The following CPNE8 variants were observed in gnomAD, a reference collection of about 807,000 sequenced individuals.
CPNE8 encodes copine-8.
Under a neutral mutation model 81.5 loss-of-function variants are expected in CPNE8, and 45 were observed. That is an observed-to-expected ratio of 0.55 (90% confidence interval 0.44 to 0.71). CPNE8 has a LOEUF of 0.71. Among genes scored for constraint, CPNE8 ranks in the 30% least tolerant of loss-of-function variants. CPNE8 has a pLI of 0.00. For synonymous variants in CPNE8, 252 were observed against 226.3 expected (o/e 1.11, Z -1.02); for missense variants, 594 against 672.1 (o/e 0.88, Z 1.28).
chr12:38,799,329 A>T (rs1431568750), intron 6 of CPNE8, among the ~76,000 whole-genome samples: 1 of 152,200 alleles, frequency 6.6e-6, no homozygotes, highest in African/African-American at 2.4e-5. Context: ...AACACAACAG[A>T]AATTACAACA....
chr12:38,837,876 T>C (rs1345625523), intron 5 of CPNE8, among the ~76,000 whole-genome samples: 1 of 152,126 alleles, frequency 6.6e-6, no homozygotes, highest in Non-Finnish European at 1.5e-5. Context: ...GATGAGAAGA[T>C]AAAATTTTCT....
intron 6 of CPNE8, among the ~76,000 whole-genome samples, chr12:38,823,844 T>C (rs979516103): frequency 6.6e-6 from 1 of 152,194 alleles, no homozygotes; most frequent in Non-Finnish European, 1.5e-5. Context: ...TACGACTCTT[T>C]GACAGCATCA....
At chr12:38,721,624 C>G (rs1940566700) in intron 13 of CPNE8, among the ~76,000 whole-genome samples, 1 of 152,224 alleles carries the variant, frequency 6.6e-6, no homozygotes, top group Non-Finnish European at 1.5e-5. Context: ...AAACAAACTA[C>G]AACACAAGCA....
At chr12:38,839,261 C>CT (rs1943430875) in intron 5 of CPNE8, among the ~76,000 whole-genome samples, 4 of 151,820 alleles carry the variant, frequency 2.6e-5, no homozygotes, top group African/African-American at 9.7e-5. Context: ...TTCCTCCCTT[C>CT]CCATCTACAC....
chr12:38,774,514 T>C (rs1256313399), intron 7 of CPNE8, among the ~76,000 whole-genome samples: 4 of 152,180 alleles, frequency 2.6e-5, no homozygotes, highest in Non-Finnish European at 5.9e-5. Context: ...ATAATTATGC[T>C]ATATTTTCTA....
chr12:38,841,457 G>C (rs1943466763), intron 4 of CPNE8, among the ~76,000 whole-genome samples: 1 of 152,166 alleles, frequency 6.6e-6, no homozygotes, highest in Admixed American at 6.5e-5. Flanking sequence ...TTTGGAGCCT[G>C]ACTTAAACTA....
At chr12:38,837,319 C>A (rs904093991) in intron 5 of CPNE8, among the ~76,000 whole-genome samples, 2 of 152,012 alleles carry the variant, frequency 1.3e-5, no homozygotes, top group Admixed American at 6.6e-5. Flanking sequence ...AGATAAATCA[C>A]AGAAGCAGAA....
At chr12:38,904,394 G>A (rs1456190190) in intron 1 of CPNE8, among the ~76,000 whole-genome samples, 1 of 151,844 alleles carries the variant, frequency 6.6e-6, no homozygotes, top group Admixed American at 6.6e-5. Flanking sequence ...TATTTACAGG[G>A]CAACTAACCG....
chr12:38,733,211 T>C (rs1437145105), intron 10 of CPNE8, among the ~76,000 whole-genome samples: 2 of 151,982 alleles, frequency 1.3e-5, no homozygotes, highest in African/African-American at 2.4e-5. Context: ...TAGATCTCTT[T>C]TAATACATGG....
At chr12:38,828,617 T>C (rs1279912885) in intron 6 of CPNE8, among the ~76,000 whole-genome samples, 1 of 152,192 alleles carries the variant, frequency 6.6e-6, no homozygotes, top group East Asian at 1.9e-4. Context: ...AGTTTGAGAT[T>C]CTTAAAAGGT....
chr12:38,864,471 A>G (rs1463818905), intron 3 of CPNE8, among the ~76,000 whole-genome samples: 2 of 152,162 alleles, frequency 1.3e-5, no homozygotes, highest in African/African-American at 2.4e-5. Flanking sequence ...AGAAGAAGAA[A>G]AAAAAAACTA....
chr12:38,664,904 ACT>A (rs1939032979), intron 19 of CPNE8, among the ~76,000 whole-genome samples: 1 of 152,160 alleles, frequency 6.6e-6, no homozygotes, highest in South Asian at 2.1e-4. Flanking sequence ...ATAGGAAGTC[ACT>A]GTTATCAAAC....
At chr12:38,791,151 C>T (rs1358327616) in intron 6 of CPNE8, among the ~76,000 whole-genome samples, 1 of 151,668 alleles carries the variant, frequency 6.6e-6, no homozygotes, top group Non-Finnish European at 1.5e-5. Context: ...TAACTGCCTT[C>T]ATATGATACA....
rs35455026 is a variant in CPNE8 at position 38,787,972 on chromosome 12, GAA to G, written c.408-11673_408-11672del. Among the ~76,000 whole-genome samples the G allele has an allele frequency of 1.0e-3, 95 of 93,796 alleles. No homozygotes were observed. The East Asian group carries it at 0.014, about 14-fold the overall frequency. The allele number at this position is 93,796 out of a possible 152,430, so 61.5% of individuals were successfully genotyped here. On this transcript the variant is annotated intron_variant, in intron 6 of 19. Coordinates refer to ENST00000331366, the MANE Select transcript of CPNE8 (RefSeq NM_153634.3). ...TGAAGTCATAATAAAAAGTCTCCCA[GAA>G]AAAAAAAAAAAAAAAAAGCCCAGGA...
At chr12:38,795,881 A>ATAGATAGATAGAT (rs1283122735) in intron 6 of CPNE8, among the ~76,000 whole-genome samples, 1 of 151,976 alleles carries the variant, frequency 6.6e-6, no homozygotes, top group Non-Finnish European at 1.5e-5. Context: ...AGATAGATAG[A>ATAGATAGATAGAT]TAGATAGATA....
At chr12:38,797,244 C>G (rs1565621526) in intron 6 of CPNE8, among the ~76,000 whole-genome samples, 2 of 152,180 alleles carry the variant, frequency 1.3e-5, no homozygotes, top group Non-Finnish European at 2.9e-5. Context: ...AGACTGCCTC[C>G]TCAACTGCGT....
Position 38,669,218 on chromosome 12 carries a change from T to C in CPNE8, c.1506+1511A>G, listed in dbSNP as rs186065943. Among the ~76,000 whole-genome samples the C allele has an allele frequency of 3.0e-4, 46 of 152,306 alleles. No individual in the cohort carries two copies. The East Asian group carries it at 7.9e-3, about 26-fold the overall frequency. ...GTTGAAAAGCTTACATCATATTCAA[T>C]TATCTTTTTAAAAAAACTATTTTAC... On this transcript the variant is annotated intron_variant, in intron 19 of 19. Coordinates refer to ENST00000331366, the MANE Select transcript of CPNE8 (RefSeq NM_153634.3).
chr12:38,777,430 T>C (rs1438256385), intron 6 of CPNE8, among the ~76,000 whole-genome samples: 3 of 152,318 alleles, frequency 2.0e-5, no homozygotes, highest in African/African-American at 4.8e-5. Context: ...AAAAACATTA[T>C]AGTAAGTTAA....
chr12:38,869,539 A>C (rs1438044170), intron 3 of CPNE8, among the ~76,000 whole-genome samples: 2 of 152,184 alleles, frequency 1.3e-5, no homozygotes, highest in Non-Finnish European at 1.5e-5. Flanking sequence ...GGGCTTAGTA[A>C]CACACACAGT....
Sources: gnomAD v4.1 joint callset for allele counts (sites outside exome capture counted in the v4.1 genomes callset) on GRCh38, gnomAD v4.1.1 for gene constraint, MANE v1.5 for transcripts, NCBI Gene and HGNC (gene_info 2026-07-23, HGNC 2026-07-21) for gene names.